Variants in TLL2 observed in about 807,000 individuals in gnomAD.
The protein encoded by TLL2 is tolloid-like protein 2.
A neutral mutation model predicts 123.0 loss-of-function variants in TLL2; 106 were observed. That is an observed-to-expected ratio of 0.86 (90% confidence interval 0.74 to 1.01). The LOEUF (loss-of-function observed/expected upper bound fraction) is 1.01, where lower values mean the gene tolerates loss of function less well. TLL2 is among the 50% of genes least tolerant of loss of function. The pLI, the probability that TLL2 is intolerant of heterozygous loss-of-function variation, is 0.00. For missense variants in TLL2, 1,332 were observed against 1,336.7 expected, an observed-to-expected ratio of 1.00 and a Z score of 0.06; for synonymous variants, 494 against 516.8, an observed-to-expected ratio of 0.96 and a Z score of 0.60.
intron 7 of TLL2, among the ~76,000 whole-genome samples, chr10:96,414,775 T>C (rs1271597590): frequency 6.6e-6 from 1 of 152,020 alleles, no homozygotes; most frequent in Non-Finnish European, 1.5e-5. Flanking sequence ...CACTCCATGA[T>C]CCTTGTCTCC....
intron 5 of TLL2, among the ~76,000 whole-genome samples, chr10:96,425,200 A>G (rs1265035022): frequency 6.7e-6 from 1 of 150,254 alleles, no homozygotes; most frequent in Non-Finnish European, 1.5e-5. Context: ...TTCCTTTTGC[A>G]TTTTAATATT....
chr10:96,406,510 C>G (rs796795648), intron 9 of TLL2, among the ~76,000 whole-genome samples: 3 of 152,148 alleles, frequency 2.0e-5, no homozygotes, highest in African/African-American at 7.2e-5. Flanking sequence ...ACTCACTGCC[C>G]CTCCACTAGC....
rs538318352 is a variant in TLL2 at position 96,455,550 on chromosome 10, G to A, written c.287-9382C>T. On this transcript the variant is annotated intron_variant, in intron 2 of 20. Transcript: ENST00000357947. ...TAAAACAGGTTGTGGGAAAGAAGCC[G>A]GCCCAAACCTACCAAAACCAAGATG... Among the ~76,000 whole-genome samples the A allele has an allele frequency of 3.9e-5, 6 of 152,260 alleles. 1 individual carries two copies. Among genetic ancestry groups the A allele is most frequent in the African/African-American group, 1.4e-4 (6 of 41,518 alleles).
chr10:96,440,082 C>A (rs899053630), intron 3 of TLL2, among the ~76,000 whole-genome samples: 3 of 152,194 alleles, frequency 2.0e-5, no homozygotes, highest in Non-Finnish European at 4.4e-5. Flanking sequence ...TCTCTCTCCC[C>A]CTTCACATTG....
chr10:96,373,560 C>T (rs776556337), intron 19 of TLL2, 36 bp downstream of exon 19: 24 of 1,591,122 alleles, frequency 1.5e-5, no homozygotes, highest in East Asian at 8.9e-5. Flanking sequence ...TGTCCAAGTG[C>T]TCATCAGGTG....
chr10:96,414,505 G>A (rs1476288797), intron 7 of TLL2, among the ~76,000 whole-genome samples: 1 of 151,974 alleles, frequency 6.6e-6, no homozygotes, highest in African/African-American at 2.4e-5. Flanking sequence ...TGAGCAGTGA[G>A]ACAAGAACCA....
intron 4 of TLL2, among the ~76,000 whole-genome samples, chr10:96,430,949 T>A (rs1372960871): frequency 6.6e-6 from 1 of 152,018 alleles, no homozygotes; most frequent in African/African-American, 2.4e-5. Context: ...TAACTGTCCA[T>A]TTTTTTTCTG....
intron 1 of TLL2, among the ~76,000 whole-genome samples, chr10:96,503,440 G>A (rs1003520866): frequency 1.3e-5 from 2 of 152,154 alleles, no homozygotes; most frequent in African/African-American, 4.8e-5. Flanking sequence ...GAGATTAAGA[G>A]ACTTGGTCAA....
At chr10:96,420,864 A>T in intron 7 of TLL2, 92 bp downstream of exon 7, 6 of 1,073,430 alleles carry the variant, frequency 5.6e-6, no homozygotes, top group Non-Finnish European at 8.7e-6. Flanking sequence ...AGAAGCATGC[A>T]GAGACCCACT....
chr10:96,420,399 A>G (rs1012060036), intron 7 of TLL2, among the ~76,000 whole-genome samples: 1 of 152,230 alleles, frequency 6.6e-6, no homozygotes, highest in Non-Finnish European at 1.5e-5. Context: ...GCCCAGCCCT[A>G]CTTGAATACA....
intron 14 of TLL2, 130 bp downstream of exon 14, chr10:96,386,823 G>C (rs952470288): frequency 7.5e-7 from 1 of 1,339,446 alleles, no homozygotes; most frequent in African/African-American, 1.4e-5. Flanking sequence ...GAAGTAGGTG[G>C]GTCTTCCACC....
At chr10:96,428,800 T>C (rs199672993) in intron 4 of TLL2, 52 bp from the exon 5 acceptor site, 3 of 1,250,722 alleles carry the variant, frequency 2.4e-6, no homozygotes, top group South Asian at 1.3e-5. Flanking sequence ...ATATTTTCTT[T>C]AGATGCTTTT....
intron 9 of TLL2, among the ~76,000 whole-genome samples, chr10:96,407,033 G>A (rs1372751366): frequency 1.3e-5 from 2 of 151,802 alleles, no homozygotes; most frequent in African/African-American, 4.8e-5. Context: ...TACACACTGG[G>A]GCTTCTAGAT....
rs1847657119 is a variant in TLL2, at chr10:96,513,787, G to C, written c.-102C>G. The C allele has an allele frequency of 2.4e-6, 3 of 1,263,396 alleles. No homozygotes were observed. Among genetic ancestry groups the C allele is most frequent in the Non-Finnish European group, 3.1e-6 (3 of 957,098 alleles). The allele number at this position is 1,263,396 out of a possible 1,614,324, so 78.3% of individuals were successfully genotyped here. ...GGTCGGTCGGCTCCGGCCGGGACTC[G>C]GTGGTTACACAGGGCTGCTGGGCAT... On this transcript the variant is annotated 5_prime_UTR_variant, in exon 1 of 21. Coordinates refer to ENST00000357947, the MANE Select transcript of TLL2 (RefSeq NM_012465.4).
At chr10:96,400,584 C>T (rs1402061840) in intron 10 of TLL2, among the ~76,000 whole-genome samples, 1 of 152,190 alleles carries the variant, frequency 6.6e-6, no homozygotes, top group Non-Finnish European at 1.5e-5. Flanking sequence ...TGCATCATTT[C>T]TGCTCATTTG....
chr10:96,444,919 G>A (rs1189881332), intron 3 of TLL2, among the ~76,000 whole-genome samples: 1 of 152,242 alleles, frequency 6.6e-6, no homozygotes, highest in East Asian at 1.9e-4. Context: ...GCCAGGTGCG[G>A]TGGCTCACGC....
intron 3 of TLL2, among the ~76,000 whole-genome samples, chr10:96,435,510 T>C (rs972670573): frequency 6.6e-6 from 1 of 152,252 alleles, no homozygotes; most frequent in Admixed American, 6.5e-5. Context: ...GTGCTTTTGG[T>C]GTCATATCTA....
At chr10:96,388,118 T>G (rs888800810) in intron 13 of TLL2, among the ~76,000 whole-genome samples, 1 of 152,110 alleles carries the variant, frequency 6.6e-6, no homozygotes, top group Non-Finnish European at 1.5e-5. Flanking sequence ...AGTATAAAGT[T>G]GTTGGCCAGG....
chr10:96,435,808 A>T (rs566300583), intron 3 of TLL2, among the ~76,000 whole-genome samples: 1 of 152,288 alleles, frequency 6.6e-6, no homozygotes, highest in Non-Finnish European at 1.5e-5. Context: ...TGGTGCATTA[A>T]TTTTACATCT....
Sources: gnomAD v4.1 joint callset for allele counts (sites outside exome capture counted in the v4.1 genomes callset) on GRCh38, gnomAD v4.1.1 for gene constraint, MANE v1.5 for transcripts, NCBI Gene and HGNC (gene_info 2026-07-23, HGNC 2026-07-21) for gene names.